Variants in UBE2R2 observed in about 807,000 individuals in gnomAD.
UBE2R2 encodes the protein ubiquitin conjugating enzyme E2 R2.
In UBE2R2, 1 loss-of-function variant was observed where a neutral mutation model predicts 27.8. That is an observed-to-expected ratio of 0.04 (90% CI 0.01 to 0.17). The LOEUF (loss-of-function observed/expected upper bound fraction) is 0.17. Ranked by LOEUF, UBE2R2 falls within the 10% of genes least tolerant of loss-of-function variation. UBE2R2 has a pLI of 1.00. For missense variants in UBE2R2, 100 were observed against 291.0 expected (o/e 0.34, Z 4.78); for synonymous variants, 106 against 113.3 (o/e 0.94, Z 0.41).
chr9:33,867,454 C>T (rs1821389687), intron 1 of UBE2R2, among the ~76,000 whole-genome samples: 1 of 152,032 alleles, frequency 6.6e-6, no homozygotes, highest in African/African-American at 2.4e-5. Context: ...CTTTTTGAAC[C>T]TTAGGCTACA....
At chr9:33,863,316 A>C (rs890119378) in intron 1 of UBE2R2, among the ~76,000 whole-genome samples, 1 of 151,986 alleles carries the variant, frequency 6.6e-6, no homozygotes, top group Admixed American at 6.6e-5. Flanking sequence ...CTGAGGTCCC[A>C]GCCTGGTCAA....
At chr9:33,901,087 C>G (rs1351636272) in intron 3 of UBE2R2, among the ~76,000 whole-genome samples, 1 of 152,180 alleles carries the variant, frequency 6.6e-6, no homozygotes, top group Non-Finnish European at 1.5e-5. Context: ...TCCCAAGTAG[C>G]TGTGACTATA....
chr9:33,854,494 A>AT (rs1250772498), intron 1 of UBE2R2, among the ~76,000 whole-genome samples: 6 of 150,778 alleles, frequency 4.0e-5, no homozygotes, highest in African/African-American at 9.8e-5. Context: ...TAGTTTTTGT[A>AT]TTTTTTTTGT....
intron 1 of UBE2R2, among the ~76,000 whole-genome samples, chr9:33,835,873 A>G (rs564935898): frequency 3.9e-5 from 6 of 152,326 alleles, no homozygotes; most frequent in African/African-American, 1.2e-4. Context: ...ACGGAGTGAG[A>G]CCCTTTCTCT....
At chr9:33,823,661 C>A (rs1042278060) in intron 1 of UBE2R2, among the ~76,000 whole-genome samples, 3 of 152,244 alleles carry the variant, frequency 2.0e-5, no homozygotes, top group African/African-American at 7.2e-5. Flanking sequence ...CAGGCATGAG[C>A]CACCGCGCCT....
At chr9:33,898,221 G>A (rs1245392257) in intron 2 of UBE2R2, among the ~76,000 whole-genome samples, 2 of 151,878 alleles carry the variant, frequency 1.3e-5, no homozygotes, top group East Asian at 1.9e-4. Flanking sequence ...GAGTAGCTGC[G>A]ATTACAGGTG....
At chr9:33,899,340 C>T (rs994334562) in intron 2 of UBE2R2, among the ~76,000 whole-genome samples, 10 of 152,158 alleles carry the variant, frequency 6.6e-5, no homozygotes, top group African/African-American at 2.2e-4. Context: ...GCTGGGATTA[C>T]AGGCGCGTGC....
At chr9:33,856,772 T>C (rs1821110976) in intron 1 of UBE2R2, among the ~76,000 whole-genome samples, 1 of 151,970 alleles carries the variant, frequency 6.6e-6, no homozygotes, top group Admixed American at 6.6e-5. Context: ...TTCCAGATTT[T>C]CTATTAGAAC....
At chr9:33,904,887 G>A (rs1312017167) in intron 3 of UBE2R2, among the ~76,000 whole-genome samples, 1 of 152,206 alleles carries the variant, frequency 6.6e-6, no homozygotes, top group African/African-American at 2.4e-5. Context: ...CAAGAATGGA[G>A]TTGGGAGTTG....
chr9:33,843,097 G>T (rs1219818909), intron 1 of UBE2R2, among the ~76,000 whole-genome samples: 2 of 145,190 alleles, frequency 1.4e-5, no homozygotes, highest in Admixed American at 7.1e-5. Flanking sequence ...GCCCAGGCTG[G>T]AGTGCAGTGG....
intron 2 of UBE2R2, among the ~76,000 whole-genome samples, chr9:33,894,465 G>T (rs965085002): frequency 6.6e-6 from 1 of 152,042 alleles, no homozygotes; most frequent in African/African-American, 2.4e-5. Context: ...GGGGAATGGG[G>T]TCTTGCTCTG....
At chr9:33,883,604 T>C (rs1242934313) in intron 1 of UBE2R2, among the ~76,000 whole-genome samples, 1 of 150,624 alleles carries the variant, frequency 6.6e-6, no homozygotes, top group Non-Finnish European at 1.5e-5. Context: ...TAGTCCCAGC[T>C]ACTCAGGAGG....
intron 1 of UBE2R2, among the ~76,000 whole-genome samples, chr9:33,879,605 A>C (rs1044995962): frequency 3.3e-5 from 5 of 151,812 alleles, no homozygotes; most frequent in African/African-American, 1.2e-4. Flanking sequence ...AGGCACGTCC[A>C]CCATGCTTGG....
At chr9:33,852,741 C>T (rs1040617998) in intron 1 of UBE2R2, among the ~76,000 whole-genome samples, 11 of 152,028 alleles carry the variant, frequency 7.2e-5, no homozygotes, top group Admixed American at 5.2e-4. Context: ...AAGTATGGGG[C>T]CGGGTGCAGT....
intron 1 of UBE2R2, among the ~76,000 whole-genome samples, chr9:33,884,197 A>ACTCTCTCTCTCTCTCT (rs1267784081): frequency 7.6e-5 from 3 of 39,650 alleles, no homozygotes; most frequent in Admixed American, 2.7e-4. Flanking sequence ...ACAACTTAAG[A>ACTCTCTCTCTCTCTCT]ATCTCTCTCT....
At chr9:33,840,349 C>T (rs1344707736) in intron 1 of UBE2R2, among the ~76,000 whole-genome samples, 1 of 152,100 alleles carries the variant, frequency 6.6e-6, no homozygotes, top group African/African-American at 2.4e-5. Flanking sequence ...TCACCGTGTA[C>T]ATTCTTAGAC....
intron 2 of UBE2R2, among the ~76,000 whole-genome samples, chr9:33,898,495 A>G (rs1022704501): frequency 4.6e-5 from 7 of 152,090 alleles, no homozygotes; most frequent in Admixed American, 4.6e-4. Flanking sequence ...TTTTATATTG[A>G]TAATGGTTAC....
chr9:33,820,156 C>T (rs1325793174), intron 1 of UBE2R2, among the ~76,000 whole-genome samples: 2 of 152,146 alleles, frequency 1.3e-5, no homozygotes, highest in African/African-American at 2.4e-5. Flanking sequence ...TAATGGGTTG[C>T]AAGTTGTAAT....
intron 1 of UBE2R2, among the ~76,000 whole-genome samples, chr9:33,856,608 T>G (rs1409132698): frequency 6.7e-6 from 1 of 149,658 alleles, no homozygotes; most frequent in African/African-American, 2.6e-5. Context: ...ATCAAGTGTT[T>G]ATGTTATTTT....
Sources: allele counts gnomAD v4.1 joint callset (sites outside exome capture counted in the v4.1 genomes callset), GRCh38; gene constraint gnomAD v4.1.1; transcripts MANE v1.5; gene names NCBI Gene and HGNC (gene_info 2026-07-23, HGNC 2026-07-21).